LGALS9: variants seen among roughly 807,000 people sequenced by gnomAD.
The protein encoded by LGALS9 is galectin 9, also known as galectin-9.
A neutral mutation model predicts 35.9 loss-of-function variants in LGALS9; 26 were observed. That is an observed-to-expected ratio of 0.72 (90% CI 0.53 to 1.01). LGALS9 has a LOEUF of 1.01. Ranked by LOEUF, LGALS9 falls within the 50% of genes least tolerant of loss-of-function variation. The pLI, the probability that LGALS9 is intolerant of heterozygous loss-of-function variation, is 0.00. For synonymous variants in LGALS9, 149 were observed against 172.2 expected, an observed-to-expected ratio of 0.87 and a Z score of 1.06; for missense variants, 347 against 445.8, an observed-to-expected ratio of 0.78 and a Z score of 1.99.
intron 10 of LGALS9, among the ~76,000 whole-genome samples, chr17:27,648,115 G>A (rs773205389): frequency 2.0e-5 from 3 of 152,230 alleles, no homozygotes; most frequent in Non-Finnish European, 4.4e-5. Context: ...CTGGGCATTC[G>A]TATTTTAAAA....
intron 2 of LGALS9, among the ~76,000 whole-genome samples, chr17:27,639,756 GA>G (rs1190987227): frequency 1.3e-5 from 2 of 151,818 alleles, no homozygotes; most frequent in Non-Finnish European, 2.9e-5. Context: ...TTATTATTTT[GA>G]GATGGAGTCT....
In LGALS9 at chr17:27,643,602, C is replaced by T. The variant is rs762681234; in HGVS notation, c.522C>T (p.Pro174=). The part of the protein sequence containing the change: ...FSQPVCFPPR[P]RGRRQKPPGV... ...AGCCTGTCTGTTTCCCACCCAGGCCCAGGGGGCGCAGACAAAAAGTGAGTT... is the reference window on the plus strand; with the variant it reads ...AGCCTGTCTGTTTCCCACCCAGGCCTAGGGGGCGCAGACAAAAAGTGAGTT... Residue 174 remains proline (P), a synonymous_variant, in exon 5 of 11, where the codon CCC becomes CCT. Transcript: ENST00000395473. 3.7e-5 allele frequency: 59 copies of T among 1,611,626 alleles called. No homozygotes were observed. The highest frequency in any genetic ancestry group is 4.7e-5 in the Non-Finnish European group (56 of 1,179,692).
At chr17:27,645,140 G>A (rs1340135386) in intron 5 of LGALS9, 174 bp from the exon 6 acceptor site, 4 of 1,324,948 alleles carry the variant, frequency 3.0e-6, no homozygotes, top group Admixed American at 1.9e-5. Context: ...TACACCTGGG[G>A]GTAAAAATCT....
At chr17:27,639,953 G>A (rs1411557168) in intron 2 of LGALS9, among the ~76,000 whole-genome samples, 1 of 152,068 alleles carries the variant, frequency 6.6e-6, no homozygotes, top group African/African-American at 2.4e-5. Context: ...GGCCAGGATG[G>A]TCTCGAACTC....
rs1426259733 is a variant in LGALS9, at chr17:27,648,820, CA to C, written c.922-15del. 2.4e-5 allele frequency: 38 copies of C among 1,613,438 alleles called. No individual in the cohort carries two copies. The highest frequency in any genetic ancestry group is 3.1e-5 in the Non-Finnish European group (36 of 1,179,808). On this transcript the variant is annotated splice_polypyrimidine_tract_variant and intron_variant, in intron 10 of 10. Coordinates refer to ENST00000395473, the MANE Select transcript of LGALS9 (RefSeq NM_009587.3). ...GACTTCCCAAGTGTAGTGCAAACGG[CA>C]TGATCTCTGCACAGGTGTGGATCTT...
In LGALS9 at chr17:27,637,210, A is replaced by G. The variant is rs150579593; in HGVS notation, c.40-1053A>G. On this transcript the variant is annotated intron_variant, in intron 1 of 10. Coordinates refer to ENST00000395473, the MANE Select transcript of LGALS9 (RefSeq NM_009587.3). Reference sequence around the variant, plus strand: ...GAAAATTGGAAGTACCAGTTTGTGAATTTTGCTGAGAGAGATGAAGGTGGG... The same window carrying G: ...GAAAATTGGAAGTACCAGTTTGTGAGTTTTGCTGAGAGAGATGAAGGTGGG... Among the ~76,000 whole-genome samples, 197 of 152,268 alleles carry G rather than the reference A, an allele frequency of 1.3e-3. 1 individual carries two copies. Among genetic ancestry groups the G allele is most frequent in the African/African-American group, 4.3e-3 (180 of 41,540 alleles).
Position 27,642,244 on chromosome 17 carries a change from G to A in LGALS9, c.340G>A (p.Val114Met). 6.2e-7 allele frequency: 1 copy of A among 1,612,526 alleles called. No individual in the cohort carries two copies. The highest frequency in any genetic ancestry group is 1.8e-4 in the Middle Eastern group (1 of 5,686). ...ATGTGCTCTCCTCTGGCAGGTGATG[G>A]TGAACGGGATCCTCTTCGTGCAGTA... is the stretch of plus-strand genomic sequence containing the variant. The part of the protein sequence containing the change: ...LVQSSDFKVM[V>M]NGILFVQYFH... Residue 114 changes from valine to methionine, a missense_variant, in exon 4 of 11, where the codon GTG (valine) becomes ATG (methionine). Transcript: ENST00000395473.
intron 3 of LGALS9, among the ~76,000 whole-genome samples, chr17:27,641,388 C>T (rs1177477935): frequency 6.6e-6 from 1 of 152,146 alleles, no homozygotes; most frequent in Non-Finnish European, 1.5e-5. Flanking sequence ...TTTGCAGGAA[C>T]ATGGATGGAG....
intron 5 of LGALS9, chr17:27,644,032 T>C (rs9944511): frequency 0.24 from 40,328 of 170,306 alleles, 4,937 homozygotes; most frequent in Admixed American, 0.3. Context: ...GCCCAAATTC[T>C]CCAGCAGGGT....
Position 27,642,973 on chromosome 17 carries a change from T to C in LGALS9, c.445-552T>C, listed in dbSNP as rs560337774. Among the ~76,000 whole-genome samples, 63 of 152,270 alleles carry C rather than the reference T, an allele frequency of 4.1e-4. 1 individual carries two copies. The highest frequency in any genetic ancestry group is 6.8e-3 in the Middle Eastern group (2 of 294). On this transcript the variant is annotated intron_variant, in intron 4 of 10. Coordinates refer to ENST00000395473, the MANE Select transcript of LGALS9 (RefSeq NM_009587.3). ...GTCCTGGCTACTCAAGAGGCTGAGG[T>C]GGGAGAATTGCTTGAGCCCAGGAAT... is the stretch of plus-strand genomic sequence containing the variant.
At chr17:27,635,028 A>G (rs189371110) in intron 1 of LGALS9, among the ~76,000 whole-genome samples, 62 of 152,296 alleles carry the variant, frequency 4.1e-4, no homozygotes, top group African/African-American at 1.1e-3. Context: ...AAATGGAAAT[A>G]CCCTAATTTA....
chr17:27,649,024 A>G lies in LGALS9; in HGVS notation c.*42A>G. ...GGGGCCGGGGGCTGGGGTGTGGGGC[A>G]GTCTGGGTCCTCTCATCATCCCCAC... On this transcript the variant is annotated 3_prime_UTR_variant, in exon 11 of 11. Transcript: ENST00000395473. 10 of 1,612,906 alleles carry G rather than the reference A, an allele frequency of 6.2e-6. No individual in the cohort carries two copies. The highest frequency in any genetic ancestry group is 3.4e-4 in the Middle Eastern group (2 of 5,942).
chr17:27,647,096 A>C lies in LGALS9; in HGVS notation c.736A>C (p.Thr246Pro). The C allele has an allele frequency of 6.2e-7, 1 of 1,614,148 alleles. No homozygotes were observed. ...ATCCAAGTCCATCCTCCTGTCAGGC[A>C]CTGTCCTGCCCAGTGCTCAGAGGTA... ...YPSKSILLSG[T>P]VLPSAQRFHI... Residue 246 changes from threonine (T) to proline (P), a missense_variant, in exon 9 of 11, where the codon ACT (threonine) becomes CCT (proline). Transcript: ENST00000395473.
In LGALS9 at chr17:27,632,299, T is replaced by G. The variant is rs570610272; in HGVS notation, c.39+995T>G. 8.2e-3 allele frequency among the ~76,000 whole-genome samples: 1,242 copies of G among 151,870 alleles called. 18 individuals are homozygous for G. Among genetic ancestry groups the G allele is most frequent in the African/African-American group, 0.029 (1,191 of 41,290 alleles). Reference sequence around the variant, plus strand: ...GGGAGGGTGGGCAGAGGCAGGGTACTGAGGGAGGGAAGCTGCCATGGCCCA... The same window carrying G: ...GGGAGGGTGGGCAGAGGCAGGGTACGGAGGGAGGGAAGCTGCCATGGCCCA... On this transcript the variant is annotated intron_variant, in intron 1 of 10. Coordinates refer to ENST00000395473, the MANE Select transcript of LGALS9 (RefSeq NM_009587.3).
chr17:27,635,442 CTAAA>C (rs67262429), intron 1 of LGALS9, among the ~76,000 whole-genome samples: 102,394 of 140,140 alleles, frequency 0.73, 37,843 homozygotes, highest in South Asian at 0.82. Context: ...GAACCCATCT[CTAAA>C]TAAATAAATA....
At chr17:27,633,297 CACACATGGA>C (rs67997433) in intron 1 of LGALS9, among the ~76,000 whole-genome samples, 32,117 of 152,130 alleles carry the variant, frequency 0.21, 3,603 homozygotes, top group Admixed American at 0.28. Flanking sequence ...CCCTCATGGA[CACACATGGA>C]TCCAAATGCC....
intron 10 of LGALS9, among the ~76,000 whole-genome samples, chr17:27,648,560 A>C (rs1015776291): frequency 3.3e-5 from 5 of 151,844 alleles, no homozygotes; most frequent in Non-Finnish European, 7.4e-5. Flanking sequence ...GGCCCAGAGC[A>C]CTCCTGTGTG....
At chr17:27,646,202 G>A (rs915312930) in intron 7 of LGALS9, among the ~76,000 whole-genome samples, 12 of 152,112 alleles carry the variant, frequency 7.9e-5, no homozygotes, top group Admixed American at 1.3e-4. Context: ...CCCAGCACCC[G>A]GATGTGAGGT....
intron 1 of LGALS9, among the ~76,000 whole-genome samples, chr17:27,636,233 G>C (rs534226442): frequency 6.6e-6 from 1 of 152,308 alleles, no homozygotes; most frequent in South Asian, 2.1e-4. Context: ...GGTGTTTTCT[G>C]TTTGGCCTGC....
Sources: allele counts gnomAD v4.1 joint callset (sites outside exome capture counted in the v4.1 genomes callset), GRCh38; gene constraint gnomAD v4.1.1; transcripts MANE v1.5; gene names NCBI Gene and HGNC (gene_info 2026-07-23, HGNC 2026-07-21).